The following SCUBE2 variants were observed in gnomAD, a reference collection of about 807,000 sequenced individuals.
The protein encoded by SCUBE2 is signal peptide, CUB domain and EGF like domain containing 2.
SCUBE2 carries 114 observed loss-of-function variants against 125.9 expected under a neutral mutation model. The observed-to-expected ratio is 0.91, with a 90% CI of 0.78 to 1.06. The LOEUF is 1.06. Ranked by LOEUF, SCUBE2 falls within the 50% of genes least tolerant of loss-of-function variation. The probability of loss-of-function intolerance (pLI) is 0.00; values close to 1 mark genes in which losing one functional copy is unlikely to be tolerated. For synonymous variants in SCUBE2, 459 were observed against 492.9 expected (o/e 0.93, Z 0.91); for missense variants, 1,255 against 1,301.8 (o/e 0.96, Z 0.55).
At chr11:9,024,396 T>A in intron 21 of SCUBE2, 1 of 1,288,830 alleles carries the variant, frequency 7.8e-7, no homozygotes, top group South Asian at 1.2e-5. Context: ...GGTGTTTGTT[T>A]GACATTATTT....
intron 3 of SCUBE2, among the ~76,000 whole-genome samples, chr11:9,078,259 G>A (rs986550309): frequency 1.3e-5 from 2 of 152,170 alleles, no homozygotes; most frequent in African/African-American, 4.8e-5. Context: ...TCCCTCACCT[G>A]CAATCAAGTC....
rs1248943065 is a variant in SCUBE2, at chr11:9,054,720, TATATA to T, written c.1208-966_1208-962del. Reference sequence around the variant, plus strand: ...ACTAGTGTATATATATATATATATATATATATTTTTTTTTTTTTTTTTTTTTTTTT... The same window carrying T: ...ACTAGTGTATATATATATATATATATTTTTTTTTTTTTTTTTTTTTTTTTT... On this transcript the variant is annotated intron_variant, in intron 10 of 22. Coordinates refer to ENST00000649792, the MANE Select transcript of SCUBE2 (RefSeq NM_001367977.2). 1.3e-3 allele frequency among the ~76,000 whole-genome samples: 101 copies of T among 76,934 alleles called. 1 individual carries two copies. The highest frequency in any genetic ancestry group is 5.2e-3 in the African/African-American group (93 of 17,906). 50.5% of individuals were successfully genotyped at this position (76,934 alleles called of 152,430 possible).
At chr11:9,043,921 CT>C (rs1381589117) in intron 16 of SCUBE2, among the ~76,000 whole-genome samples, 5 of 151,834 alleles carry the variant, frequency 3.3e-5, no homozygotes, top group African/African-American at 7.3e-5. Flanking sequence ...TAGGCATGAT[CT>C]TTTGGGAAAG....
rs1480741810 is a variant in SCUBE2, at chr11:9,066,938, G to A, written c.644-125C>T. On this transcript the variant is annotated intron_variant, in intron 5 of 22. Transcript: ENST00000649792. ...TGAGCACCTAGTGCATGCCAGGCAT[G>A]GTGCACGAAAGACATAACTCCAAGT... 5 of 737,994 alleles carry A rather than the reference G, an allele frequency of 6.8e-6. No individual in the cohort carries two copies. The African/African-American group carries it at 8.5e-5, about 13-fold the overall frequency. The allele number at this position is 737,994 out of a possible 1,614,324, so 45.7% of individuals were successfully genotyped here.
intron 2 of SCUBE2, among the ~76,000 whole-genome samples, chr11:9,087,786 T>C (rs569290389): frequency 4.6e-5 from 7 of 152,322 alleles, no homozygotes; most frequent in Non-Finnish European, 8.8e-5. Flanking sequence ...CAAAGTTCAT[T>C]GTAAAGATCC....
rs766891734 is a variant in SCUBE2 at position 9,033,663 on chromosome 11, C to T, written c.2136G>A (p.Leu712=). The T allele has an allele frequency of 1.9e-5, 30 of 1,614,128 alleles. No individual in the cohort carries two copies. Among genetic ancestry groups the T allele is most frequent in the Non-Finnish European group, 2.5e-5 (30 of 1,180,020 alleles). Residue 712 remains leucine (L), a synonymous_variant, in exon 17 of 23, where the codon CTG becomes CTA. Coordinates refer to ENST00000649792, the MANE Select transcript of SCUBE2 (RefSeq NM_001367977.2). ...PCPRPGNSGA[L]KTPEAWNMSE... is the part of the protein sequence containing the mutation. ...ACATATTCCAAGCTTCTGGGGTCTT[C>T]AGGGCCCCAGAATTTCCTGGTCTTG...
At chr11:9,081,761 C>A (rs1300978975) in intron 2 of SCUBE2, among the ~76,000 whole-genome samples, 1 of 152,226 alleles carries the variant, frequency 6.6e-6, no homozygotes. Context: ...TTGCTTCCAC[C>A]TTTTGGCTAC....
At chr11:9,082,874 A>G (rs1861757188) in intron 2 of SCUBE2, among the ~76,000 whole-genome samples, 1 of 152,198 alleles carries the variant, frequency 6.6e-6, no homozygotes, top group Admixed American at 6.5e-5. Context: ...AGATGAGGAA[A>G]ATGTTTGTAT....
chr11:9,061,554 G>A (rs1178866772), intron 7 of SCUBE2, among the ~76,000 whole-genome samples: 1 of 143,774 alleles, frequency 7.0e-6, no homozygotes, highest in East Asian at 2.0e-4. Context: ...GCGAGACCCT[G>A]TCTCAAGAAA....
chr11:9,089,801 A>T lies in SCUBE2; in HGVS notation c.162T>A (p.Asp54Glu). The T allele has an allele frequency of 6.2e-7, 1 of 1,613,922 alleles. No individual in the cohort carries two copies. Among genetic ancestry groups the T allele is most frequent in the Non-Finnish European group, 8.5e-7 (1 of 1,179,912 alleles). ...GACACAGGGCGTCGGCATGGCAGTC[A>T]TCTAGCCCTTGGGCACACTCATCTA... Reference protein sequence around the residue: ...EDVDECAQGLDDCHADALCQN... With the variant: ...EDVDECAQGLEDCHADALCQN... Residue 54 changes from aspartate to glutamate, a missense_variant, in exon 2 of 23, where the codon GAT (aspartate) becomes GAA (glutamate). Asp to Glu is a conservative substitution (Grantham distance 45, BLOSUM62 2). Transcript: ENST00000649792.
intron 16 of SCUBE2, among the ~76,000 whole-genome samples, chr11:9,035,886 T>A: frequency 6.6e-6 from 1 of 152,112 alleles, no homozygotes; most frequent in Non-Finnish European, 1.5e-5. Flanking sequence ...AAATACAATT[T>A]TATATATATA....
At chr11:9,051,550 A>G (rs1249752947) in intron 13 of SCUBE2, among the ~76,000 whole-genome samples, 2 of 152,058 alleles carry the variant, frequency 1.3e-5, no homozygotes, top group Non-Finnish European at 2.9e-5. Context: ...GATGTGCAAA[A>G]TTCTGTTCTC....
chr11:9,027,623 A>G, intron 19 of SCUBE2, 62 bp from the exon 20 acceptor site: 1 of 1,452,842 alleles, frequency 6.9e-7, no homozygotes, highest in African/African-American at 1.4e-5. Flanking sequence ...GACCACCGCT[A>G]GCTTGCCGAG....
chr11:9,054,698 AGTG>A (rs1858825147), intron 10 of SCUBE2, among the ~76,000 whole-genome samples: 2 of 61,226 alleles, frequency 3.3e-5, no homozygotes, highest in Non-Finnish European at 5.4e-5. Flanking sequence ...GCAAAGCACT[AGTG>A]TATATATATA....
At chr11:9,050,301 C>T (rs947770003) in intron 14 of SCUBE2, 5 of 260,092 alleles carry the variant, frequency 1.9e-5, no homozygotes, top group Non-Finnish European at 1.4e-5. Flanking sequence ...AATATGATCA[C>T]AAATTGCTAA....
At chr11:9,057,911 T>A (rs919823506) in intron 9 of SCUBE2, among the ~76,000 whole-genome samples, 3 of 152,190 alleles carry the variant, frequency 2.0e-5, no homozygotes, top group Non-Finnish European at 4.4e-5. Context: ...ACATCTTTCC[T>A]GAGAACTTCT....
chr11:9,031,019 C>T, intron 17 of SCUBE2, 94 bp from the exon 18 acceptor site: 1 of 1,226,022 alleles, frequency 8.2e-7, no homozygotes, highest in Non-Finnish European at 1.1e-6. Context: ...CAACCTGTTA[C>T]CCAGTGCTGA....
intron 16 of SCUBE2, among the ~76,000 whole-genome samples, chr11:9,039,549 G>A (rs775558226): frequency 2.9e-4 from 44 of 152,196 alleles, no homozygotes; most frequent in Admixed American, 1.1e-3. Context: ...AGGAAGGCAC[G>A]GGTTCTACTG....
At chr11:9,039,796 C>T (rs1242551519) in intron 16 of SCUBE2, among the ~76,000 whole-genome samples, 7 of 152,198 alleles carry the variant, frequency 4.6e-5, no homozygotes, top group Non-Finnish European at 7.3e-5. Context: ...GCACCCACAA[C>T]TCGGGCGCAG....
Sources: gnomAD v4.1 joint callset for allele counts (sites outside exome capture counted in the v4.1 genomes callset) on GRCh38, gnomAD v4.1.1 for gene constraint, MANE v1.5 for transcripts, NCBI Gene and HGNC (gene_info 2026-07-23, HGNC 2026-07-21) for gene names.